NUCB2: variants seen among roughly 807,000 people sequenced by gnomAD.
The protein encoded by NUCB2 is nucleobindin-2.
Under a neutral mutation model 57.9 loss-of-function variants are expected in NUCB2, and 48 were observed. That is an observed-to-expected ratio of 0.83 (90% confidence interval 0.66 to 1.05). NUCB2 has a LOEUF of 1.05. Among genes scored for constraint, NUCB2 ranks in the 50% least tolerant of loss-of-function variants. NUCB2 has a pLI of 0.00. For missense variants in NUCB2, 442 were observed against 476.2 expected (o/e 0.93, Z 0.67); for synonymous variants, 139 against 152.1 (o/e 0.91, Z 0.64).
intron 2 of NUCB2, among the ~76,000 whole-genome samples, chr11:17,289,954 A>T (rs778551550): frequency 6.6e-6 from 1 of 152,096 alleles, no homozygotes; most frequent in African/African-American, 2.4e-5. Context: ...TGAGTCCATC[A>T]ATTCAGCCTC....
chr11:17,318,413 TAAACA>T (rs1949580231), intron 11 of NUCB2, among the ~76,000 whole-genome samples: 1 of 152,166 alleles, frequency 6.6e-6, no homozygotes, highest in Admixed American at 6.5e-5. Context: ...TGGAGGTATA[TAAACA>T]TTTTTTTAGG....
chr11:17,310,379 G>A (rs1298571839), intron 6 of NUCB2, among the ~76,000 whole-genome samples: 1 of 152,168 alleles, frequency 6.6e-6, no homozygotes, highest in East Asian at 1.9e-4. Flanking sequence ...GCTCATGCCT[G>A]TAATCCCAGC....
Position 17,315,426 on chromosome 11 carries a change from T to G in NUCB2, c.953T>G (p.Phe318Cys), listed in dbSNP as rs750095360. ...GACAGATTGGTGACTCTGGAGGAGT[T>G]TTTGAAAGCCACAGAAAAAAAAGAA... ...NKDRLVTLEEFLKATEKKEFL... is the reference protein window; with the variant it reads ...NKDRLVTLEECLKATEKKEFL... The change falls in exon 11 of 14, where the codon TTT becomes TGT. Residue 318 changes from phenylalanine to cysteine, a missense_variant. By Grantham distance (205) the Phe-to-Cys change is radical. Coordinates refer to ENST00000529010, the MANE Select transcript of NUCB2 (RefSeq NM_005013.4). The G allele has an allele frequency of 1.1e-5, 18 of 1,612,136 alleles. No individual in the cohort carries two copies. In the East Asian group the frequency reaches 3.6e-4, roughly 32 times the overall value.
downstream of NUCB2, chr11:17,333,926 C>G (rs750816751): frequency 6.6e-5 from 10 of 152,166 alleles, no homozygotes; most frequent in Non-Finnish European, 1.5e-4. Flanking sequence ...TCACATATCT[C>G]TTGTAGGGCT....
At chr11:17,311,843 T>C in intron 8 of NUCB2, 29 bp from the exon 9 acceptor site, 2 of 1,427,470 alleles carry the variant, frequency 1.4e-6, no homozygotes, top group South Asian at 2.5e-5. Context: ...TTAAAATCTA[T>C]TTTTGCATTT....
chr11:17,278,607 C>T (rs1941874895), intron 1 of NUCB2: 1 of 152,158 alleles, frequency 6.6e-6, no homozygotes, highest in Non-Finnish European at 1.5e-5. Flanking sequence ...TTGGTTTGCG[C>T]TCTGTGAATA....
At chr11:17,292,565 A>G (rs193288577) in intron 2 of NUCB2, among the ~76,000 whole-genome samples, 1 of 152,292 alleles carries the variant, frequency 6.6e-6, no homozygotes, top group Non-Finnish European at 1.5e-5. Context: ...CGCATTTCTA[A>G]CAAATTCCCA....
At position 17,330,144 on chromosome 11, in the gene NUCB2, G is replaced by A. The variant is rs773169760; in HGVS notation, c.1020G>A (p.Gln340=). The A allele has an allele frequency of 8.5e-6, 13 of 1,529,978 alleles. No individual in the cohort carries two copies. Among genetic ancestry groups the A allele is most frequent in the African/African-American group, 1.4e-5 (1 of 72,904 alleles). 94.8% of individuals were successfully genotyped at this position (1,529,978 alleles called of 1,614,324 possible). ...PDSWETLDQQ[Q]FFTEEELKEY... ...TCTTTTAGACATTAGATCAGCAACA[G>A]TTCTTCACAGAGGAAGAACTAAAAG... Residue 340 remains glutamine, a synonymous_variant, in exon 12 of 14, where the codon CAG becomes CAA. Transcript: ENST00000529010. The surrounding 1 kb of genome is among the most constrained non-coding windows in gnomAD (Gnocchi z 4.3).
In NUCB2 at chr11:17,312,467, G is replaced by A. The variant is rs370226558; in HGVS notation, c.912+347G>A. Reference sequence around the variant, plus strand: ...CATCCAAGTTGGAGTGCAGTGGCGCGACCTCGGCTCACTGCAACCTCCGCC... The same window carrying A: ...CATCCAAGTTGGAGTGCAGTGGCGCAACCTCGGCTCACTGCAACCTCCGCC... On this transcript the variant is annotated intron_variant, in intron 10 of 13. Coordinates refer to ENST00000529010, the MANE Select transcript of NUCB2 (RefSeq NM_005013.4). Among the ~76,000 whole-genome samples, 24 of 151,276 alleles carry A rather than the reference G, an allele frequency of 1.6e-4. No individual in the cohort carries two copies. The East Asian group carries it at 1.7e-3, about 11-fold the overall frequency.
At chr11:17,311,362 C>A in intron 8 of NUCB2, 79 bp downstream of exon 8, 4 of 1,052,554 alleles carry the variant, frequency 3.8e-6, no homozygotes, top group African/African-American at 1.6e-5. Flanking sequence ...TGATTTCTGC[C>A]AAGGTCTGCT....
chr11:17,333,871 T>A (rs1255345582), downstream of NUCB2: 1 of 152,246 alleles, frequency 6.6e-6, no homozygotes, highest in Non-Finnish European at 1.5e-5. Flanking sequence ...TCAGCAAAGC[T>A]ATTTTTCCCT....
intron 2 of NUCB2, chr11:17,337,544 G>A (rs1353139594): frequency 4.6e-5 from 7 of 152,194 alleles, no homozygotes; most frequent in Admixed American, 3.3e-4. Flanking sequence ...GGTGTGTTAA[G>A]TAAAATACAA....
At chr11:17,299,141 C>G (rs1349557956) in intron 4 of NUCB2, among the ~76,000 whole-genome samples, 1 of 152,240 alleles carries the variant, frequency 6.6e-6, no homozygotes, top group South Asian at 2.1e-4. Flanking sequence ...TCCATGACTT[C>G]TTAATTGCCA....
In NUCB2 at chr11:17,331,669, T is replaced by C; in HGVS notation, c.*250T>C. The C allele has an allele frequency of 2.8e-6, 1 of 352,054 alleles. No homozygotes were observed. The highest frequency in any genetic ancestry group is 5.1e-6 in the Non-Finnish European group (1 of 196,088). The allele number at this position is 352,054 out of a possible 1,614,324, so 21.8% of individuals were successfully genotyped here. A position where few individuals can be genotyped will look rare whatever the true frequency, so the allele number is the denominator to read the frequency against. ...CACATTCACACGGCTCTTTTATTTA[T>C]TTTTTTGTTCTCCTTTAATGATTTA... is the stretch of plus-strand genomic sequence containing the variant. On this transcript the variant is annotated 3_prime_UTR_variant, in exon 14 of 14. Transcript: ENST00000529010.
intron 1 of NUCB2, chr11:17,337,315 G>A (rs1951901763): frequency 6.6e-6 from 1 of 152,168 alleles, no homozygotes; most frequent in Non-Finnish European, 1.5e-5. Context: ...CCCGGTTCTG[G>A]TTAGTGCATA....
intron 4 of NUCB2, among the ~76,000 whole-genome samples, chr11:17,297,616 A>G (rs1211047302): frequency 6.6e-6 from 1 of 152,230 alleles, no homozygotes; most frequent in Non-Finnish European, 1.5e-5. Flanking sequence ...GGGGTGACAT[A>G]GAAAATGTGG....
intron 11 of NUCB2, among the ~76,000 whole-genome samples, chr11:17,322,340 G>A (rs1950134572): frequency 6.6e-6 from 1 of 152,084 alleles, no homozygotes. Context: ...ACCATTTATT[G>A]AAGAGATTGT....
At chr11:17,339,162 T>C (rs1952043053) in intron 2 of NUCB2, among the ~76,000 whole-genome samples, 1 of 149,114 alleles carries the variant, frequency 6.7e-6, no homozygotes, top group Admixed American at 6.7e-5. Flanking sequence ...TAATTTTTGT[T>C]TTTTCAGTAG....
At chr11:17,318,274 C>G (rs1011630502) in intron 11 of NUCB2, among the ~76,000 whole-genome samples, 65 of 151,804 alleles carry the variant, frequency 4.3e-4, no homozygotes, top group Admixed American at 3.7e-3. Context: ...GCCTTGGCCT[C>G]CCAAAGTACT....
Sources: allele counts gnomAD v4.1 joint callset (sites outside exome capture counted in the v4.1 genomes callset), GRCh38; gene constraint gnomAD v4.1.1; non-coding constraint Gnocchi (gnomAD v3.1); transcripts MANE v1.5; gene names NCBI Gene and HGNC (gene_info 2026-07-23, HGNC 2026-07-21).